The following TCF12 variants were observed in gnomAD, a reference collection of about 807,000 sequenced individuals.
TCF12 encodes the protein transcription factor 12, also known as DNA-binding protein HTF4.
Under a neutral mutation model 86.0 loss-of-function variants are expected in TCF12, and 45 were observed. The observed-to-expected ratio is 0.52, with a 90% CI of 0.41 to 0.67. The LOEUF (loss-of-function observed/expected upper bound fraction) is 0.67. Among genes scored for constraint, TCF12 ranks in the 30% least tolerant of loss-of-function variants. The probability of loss-of-function intolerance (pLI) is 0.00; values close to 1 mark genes in which losing one functional copy is unlikely to be tolerated. For missense variants in TCF12, 881 were observed against 859.9 expected, an observed-to-expected ratio of 1.02 and a Z score of -0.31; for synonymous variants, 330 against 299.6, an observed-to-expected ratio of 1.10 and a Z score of -1.05.
intron 3 of TCF12, among the ~76,000 whole-genome samples, chr15:56,985,577 C>T (rs1484875480): frequency 3.9e-5 from 6 of 152,078 alleles, no homozygotes; most frequent in African/African-American, 4.8e-5. Context: ...TGCTTATAAC[C>T]GTAGTTCCTG....
chr15:57,289,602 C>T lies in TCF12; in HGVS notation c.*3457C>T, dbSNP rs2062038140. 6.7e-6 allele frequency: 1 copy of T among 149,960 alleles called. No homozygotes were observed. Among genetic ancestry groups the T allele is most frequent in the African/African-American group, 2.4e-5 (1 of 41,034 alleles). The allele number at this position is 149,960 out of a possible 1,614,324, so 9.3% of individuals were successfully genotyped here. A position where few individuals can be genotyped will look rare whatever the true frequency, so the allele number is the denominator to read the frequency against. The stretch of plus-strand genomic sequence containing the variant: ...GGAAACTCAAAATTTAAACACACGT[C>T]GTGTGTGTGTGTGTGTGTGTGTCTG... On this transcript the variant is annotated 3_prime_UTR_variant, in exon 21 of 21. Coordinates refer to ENST00000333725, the MANE Select transcript of TCF12 (RefSeq NM_207037.2).
intron 3 of TCF12, among the ~76,000 whole-genome samples, chr15:56,999,158 A>G (rs1405910178): frequency 6.6e-6 from 1 of 151,138 alleles, no homozygotes; most frequent in East Asian, 2.0e-4. Flanking sequence ...AGATCGCGCC[A>G]CTGCACTCCA....
At chr15:57,107,892 G>A (rs550668852) in intron 5 of TCF12, among the ~76,000 whole-genome samples, 4 of 152,258 alleles carry the variant, frequency 2.6e-5, no homozygotes, top group African/African-American at 9.6e-5. Context: ...TGGTGACAGA[G>A]TGAGGCCCTG....
chr15:57,175,042 A>G (rs1444734025), intron 6 of TCF12, among the ~76,000 whole-genome samples: 1 of 152,256 alleles, frequency 6.6e-6, no homozygotes, highest in Non-Finnish European at 1.5e-5. Context: ...GCCACAGTCT[A>G]GAAGTCCAGT....
At chr15:57,114,503 G>A (rs183316384) in intron 5 of TCF12, among the ~76,000 whole-genome samples, 3 of 152,158 alleles carry the variant, frequency 2.0e-5, no homozygotes, top group Admixed American at 1.3e-4. Flanking sequence ...TCAGTTTGTT[G>A]CCCATGCTGG....
intron 3 of TCF12, among the ~76,000 whole-genome samples, chr15:56,961,613 C>T (rs557111414): frequency 1.1e-4 from 16 of 152,112 alleles, no homozygotes; most frequent in Non-Finnish European, 2.2e-4. Flanking sequence ...ATGTAATTTA[C>T]CATAGATAAC....
At chr15:57,283,260 T>C (rs1488544232) in intron 20 of TCF12, among the ~76,000 whole-genome samples, 1 of 131,374 alleles carries the variant, frequency 7.6e-6, no homozygotes, top group African/African-American at 3.6e-5. Context: ...TTCCTTGTGA[T>C]TTTTTTTTTT....
At chr15:56,974,539 CAA>C (rs1430708874) in intron 3 of TCF12, among the ~76,000 whole-genome samples, 1 of 151,966 alleles carries the variant, frequency 6.6e-6, no homozygotes, top group Non-Finnish European at 1.5e-5. Flanking sequence ...GGAAGAATAA[CAA>C]AATTATTAAA....
chr15:57,230,010 T>A (rs772022046), intron 8 of TCF12, among the ~76,000 whole-genome samples: 17 of 151,934 alleles, frequency 1.1e-4, no homozygotes, highest in Non-Finnish European at 2.1e-4. Context: ...AATATATGCT[T>A]GGGGTAAAAT....
Position 57,262,106 on chromosome 15 carries a change from C to G in TCF12, c.1480C>G (p.Arg494Gly), listed in dbSNP as rs776826025. ...TCCTTAACTTTAGGTTGGAACTCAT[C>G]GGGAAGACTCTGTCAGTCTCAATGG... The part of the protein sequence containing the change: ...SRSASMVGTH[R>G]EDSVSLNGNH... Residue 494 changes from arginine to glycine, a missense_variant, in exon 17 of 21, where the codon CGG becomes GGG. Physicochemically the swap from Arg to Gly is moderately radical, Grantham distance 125 (BLOSUM62 -2). This residue lies in a region of TCF12 where 766 missense variants were observed against 718.9 expected (regional missense o/e 1.07). Transcript: ENST00000333725. 3.7e-6 allele frequency: 6 copies of G among 1,611,472 alleles called. No homozygotes were observed. Among genetic ancestry groups the G allele is most frequent in the Non-Finnish European group, 5.1e-6 (6 of 1,178,712 alleles).
intron 5 of TCF12, among the ~76,000 whole-genome samples, chr15:57,108,305 T>C (rs184529082): frequency 2.6e-4 from 39 of 152,238 alleles, no homozygotes; most frequent in African/African-American, 9.1e-4. Context: ...CTAGGGCTGA[T>C]CCCTATCACC....
chr15:57,007,315 C>T (rs892167101), intron 3 of TCF12, among the ~76,000 whole-genome samples: 6 of 152,078 alleles, frequency 3.9e-5, no homozygotes, highest in Admixed American at 3.9e-4. Flanking sequence ...TGTCTTTCCC[C>T]ACAACTATTT....
intron 3 of TCF12, among the ~76,000 whole-genome samples, chr15:57,040,878 T>C (rs1218005957): frequency 6.6e-6 from 1 of 152,216 alleles, no homozygotes; most frequent in Non-Finnish European, 1.5e-5. Context: ...TGAATGTTAT[T>C]ATAGTCAAAA....
At chr15:57,107,404 A>C (rs1193138337) in intron 5 of TCF12, among the ~76,000 whole-genome samples, 1 of 152,210 alleles carries the variant, frequency 6.6e-6, no homozygotes, top group African/African-American at 2.4e-5. Context: ...AGTAAAAAAG[A>C]TCAGTGGTTG....
At chr15:57,139,423 A>T (rs1432582692) in intron 5 of TCF12, among the ~76,000 whole-genome samples, 12 of 152,162 alleles carry the variant, frequency 7.9e-5, no homozygotes, top group African/African-American at 2.9e-4. Flanking sequence ...ATCCATCCCT[A>T]AACAGTTTAA....
At chr15:57,180,806 A>AT (rs34557385) in intron 6 of TCF12, among the ~76,000 whole-genome samples, 4,024 of 81,834 alleles carry the variant, frequency 0.049, 483 homozygotes, top group Admixed American at 0.094. Flanking sequence ...GATGCTAATA[A>AT]TTTTTTTTTT....
At chr15:57,276,456 T>C (rs1393239999) in intron 19 of TCF12, among the ~76,000 whole-genome samples, 1 of 152,232 alleles carries the variant, frequency 6.6e-6, no homozygotes, top group Non-Finnish European at 1.5e-5. Context: ...TAGCGAAAGC[T>C]GCATGTAGGA....
chr15:57,182,243 A>G (rs1432655012), intron 6 of TCF12, among the ~76,000 whole-genome samples: 1 of 148,710 alleles, frequency 6.7e-6, no homozygotes, highest in African/African-American at 2.6e-5. Flanking sequence ...TAGGAGAAGA[A>G]AAATAAAATA....
intron 5 of TCF12, among the ~76,000 whole-genome samples, chr15:57,149,310 T>C (rs2053582748): frequency 6.6e-6 from 1 of 152,100 alleles, no homozygotes; most frequent in Admixed American, 6.5e-5. Flanking sequence ...CACAACAAAA[T>C]ACATGATACT....
Sources: gnomAD v4.1 joint callset for allele counts (sites outside exome capture counted in the v4.1 genomes callset) on GRCh38, gnomAD v4.1.1 for gene constraint, gnomAD v4.1.1 regional missense constraint, MANE v1.5 for transcripts, NCBI Gene and HGNC (gene_info 2026-07-23, HGNC 2026-07-21) for gene names.